Variants in FAM227B observed in about 807,000 individuals in gnomAD.
FAM227B encodes the protein family with sequence similarity 227 member B.
A neutral mutation model predicts 73.8 loss-of-function variants in FAM227B; 88 were observed. That is an observed-to-expected ratio of 1.19 (90% CI 1.00 to 1.42). The LOEUF (loss-of-function observed/expected upper bound fraction) is 1.42. Among genes scored for constraint, FAM227B ranks in the 40% most tolerant of loss-of-function variants. The probability of loss-of-function intolerance (pLI) is 0.00; values close to 1 mark genes in which losing one functional copy is unlikely to be tolerated. For missense variants in FAM227B, 632 were observed against 590.9 expected (o/e 1.07, Z -0.72); for synonymous variants, 210 against 190.5 (o/e 1.10, Z -0.84).
At position 49,470,257 on chromosome 15, in the gene FAM227B, C is replaced by CACTGGGAAT. The variant is rs1305934540; in HGVS notation, c.1012+37953_1012+37954insATTCCCAGT. 4.6e-5 allele frequency among the ~76,000 whole-genome samples: 7 copies of CACTGGGAAT among 152,154 alleles called. No individual in the cohort carries two copies. In the South Asian group the frequency reaches 8.3e-4, roughly 18 times the overall value. On this transcript the variant is annotated intron_variant, in intron 11 of 15. Coordinates refer to ENST00000299338, the MANE Select transcript of FAM227B (RefSeq NM_152647.3). ...CCTTATAATTCTTTAACACTGGGAA[C>CACTGGGAAT]ACTGAGTACATATTAAATATTTTTA...
chr15:49,399,684 G>C (rs1329157841), intron 11 of FAM227B, among the ~76,000 whole-genome samples: 2 of 148,710 alleles, frequency 1.3e-5, no homozygotes, highest in East Asian at 2.0e-4. Context: ...GGGATGCAAG[G>C]CTGGTTCAAT....
chr15:49,348,341 T>G (rs1397631197), intron 13 of FAM227B, among the ~76,000 whole-genome samples: 1 of 152,108 alleles, frequency 6.6e-6, no homozygotes, highest in African/African-American at 2.4e-5. Flanking sequence ...GTTCCCTAGC[T>G]CTCTGCTTGA....
At chr15:49,596,267 C>G (rs2076877308) in intron 3 of FAM227B, among the ~76,000 whole-genome samples, 3 of 151,958 alleles carry the variant, frequency 2.0e-5, no homozygotes, top group South Asian at 4.1e-4. Context: ...GATTTTTCAG[C>G]AGAAACATTA....
chr15:49,475,390 A>C (rs955471858), intron 11 of FAM227B, among the ~76,000 whole-genome samples: 1 of 152,228 alleles, frequency 6.6e-6, no homozygotes, highest in Non-Finnish European at 1.5e-5. Flanking sequence ...AAAAGGAACC[A>C]GGGTAGTCCT....
chr15:49,356,082 T>C (rs1286398915), intron 13 of FAM227B, among the ~76,000 whole-genome samples: 1 of 109,120 alleles, frequency 9.2e-6, no homozygotes, highest in Non-Finnish European at 1.7e-5. Flanking sequence ...CAAGAGCTCC[T>C]GAAGGAAGCA....
chr15:49,607,754 A>T (rs1009188928), intron 3 of FAM227B, among the ~76,000 whole-genome samples: 2 of 152,016 alleles, frequency 1.3e-5, no homozygotes, highest in African/African-American at 2.4e-5. Flanking sequence ...TCCCAAAGTC[A>T]TTAATATAAA....
At chr15:49,500,323 G>T (rs1218386022) in intron 11 of FAM227B, among the ~76,000 whole-genome samples, 1 of 152,204 alleles carries the variant, frequency 6.6e-6, no homozygotes, top group Non-Finnish European at 1.5e-5. Flanking sequence ...ACTTCAGCAG[G>T]CACTCAATAA....
intron 3 of FAM227B, among the ~76,000 whole-genome samples, chr15:49,606,979 TG>T (rs1391764540): frequency 6.6e-6 from 1 of 152,196 alleles, no homozygotes; most frequent in Admixed American, 6.5e-5. Flanking sequence ...GAATACTTTT[TG>T]GGATGGTGGG....
chr15:49,501,526 G>C (rs1170475699), intron 11 of FAM227B, among the ~76,000 whole-genome samples: 1 of 152,166 alleles, frequency 6.6e-6, no homozygotes, highest in Non-Finnish European at 1.5e-5. Context: ...TGTAACCCTG[G>C]CTGCTTGCAA....
intron 11 of FAM227B, among the ~76,000 whole-genome samples, chr15:49,402,387 A>T (rs2048228820): frequency 6.6e-6 from 1 of 152,176 alleles, no homozygotes; most frequent in Admixed American, 6.5e-5. Context: ...CCATTTTCAC[A>T]ATATTGATTC....
chr15:49,340,246 A>G (rs9806208), intron 13 of FAM227B, among the ~76,000 whole-genome samples: 63,982 of 151,974 alleles, frequency 0.42, 13,629 homozygotes, highest in African/African-American at 0.45. Flanking sequence ...CCCTGGTGGT[A>G]TAGGCTCCAG....
intron 9 of FAM227B, among the ~76,000 whole-genome samples, chr15:49,567,352 GCTGAGTGGCTT>G (rs1170079548): frequency 3.3e-5 from 5 of 152,124 alleles, no homozygotes; most frequent in Non-Finnish European, 5.9e-5. Context: ...AACCTGAGAG[GCTGAGTGGCTT>G]GCTGAGATCA....
At chr15:49,609,796 A>T (rs543972973) in intron 3 of FAM227B, among the ~76,000 whole-genome samples, 1 of 152,008 alleles carries the variant, frequency 6.6e-6, no homozygotes, top group Non-Finnish European at 1.5e-5. Flanking sequence ...ACCATAAAAA[A>T]TAACTACAGA....
At chr15:49,381,422 T>A (rs1280731795) in intron 11 of FAM227B, among the ~76,000 whole-genome samples, 1 of 152,172 alleles carries the variant, frequency 6.6e-6, no homozygotes, top group Non-Finnish European at 1.5e-5. Flanking sequence ...TGTGACAATA[T>A]AAAAGTAACA....
intron 9 of FAM227B, among the ~76,000 whole-genome samples, chr15:49,557,078 A>G (rs987613801): frequency 3.3e-5 from 5 of 151,968 alleles, no homozygotes; most frequent in Non-Finnish European, 5.9e-5. Flanking sequence ...CCTCCATCCC[A>G]GTATGTGTGT....
intron 3 of FAM227B, among the ~76,000 whole-genome samples, chr15:49,594,296 T>G (rs1202654274): frequency 3.9e-5 from 6 of 152,162 alleles, no homozygotes; most frequent in Non-Finnish European, 7.4e-5. Flanking sequence ...TCTTGCTGAT[T>G]TGAGTTCCTT....
Position 49,611,233 on chromosome 15 carries a change from GA to G in FAM227B, c.86del (p.Phe29SerfsTer2). On this transcript the variant is annotated frameshift_variant, in exon 3 of 16. Transcript: ENST00000299338. LOFTEE classifies it high-confidence loss of function. ...TACTCACCCAATTTTGAAACTTTAA[GA>G]ATTCTTCAATGCTCTTTGGAGGTTC... Reference protein sequence around the residue: ...MQEPPKSIEEFLKFQNWDYWP... With the variant: ...MQEPPKSIEEXLKFQNWDYWP... 1 of 1,590,962 alleles carries G rather than the reference GA, an allele frequency of 6.3e-7. No homozygotes were observed. The highest frequency in any genetic ancestry group is 8.6e-7 in the Non-Finnish European group (1 of 1,162,624).
At chr15:49,385,239 T>G (rs999333851) in intron 11 of FAM227B, among the ~76,000 whole-genome samples, 7 of 151,946 alleles carry the variant, frequency 4.6e-5, no homozygotes, top group African/African-American at 1.7e-4. Context: ...CCTGCATTTC[T>G]GATGCAGAGT....
chr15:49,341,233 T>G (rs2040686361), intron 13 of FAM227B, among the ~76,000 whole-genome samples: 1 of 152,184 alleles, frequency 6.6e-6, no homozygotes, highest in African/African-American at 2.4e-5. Context: ...CTTAGGATTT[T>G]TTTTGGCTAT....
Sources: allele counts gnomAD v4.1 joint callset (sites outside exome capture counted in the v4.1 genomes callset), GRCh38; gene constraint gnomAD v4.1.1; transcripts MANE v1.5; gene names NCBI Gene and HGNC (gene_info 2026-07-23, HGNC 2026-07-21).